Variants in WWOX observed in about 807,000 individuals in gnomAD.
The protein encoded by WWOX is WW domain-containing oxidoreductase.
WWOX carries 69 observed loss-of-function variants against 46.2 expected under a neutral mutation model. The ratio of observed to expected loss-of-function variants is 1.49; its 90% CI spans 1.23 to 1.82. The LOEUF is 1.82. WWOX is among the 40% of genes most tolerant of loss of function. The probability of loss-of-function intolerance (pLI) is 0.00; values close to 1 mark genes in which losing one functional copy is unlikely to be tolerated. For missense variants in WWOX, 919 were observed against 542.6 expected (o/e 1.69, Z -6.89); for synonymous variants, 359 against 202.6 (o/e 1.77, Z -6.56).
chr16:78,594,911 AATT>A (rs1488125094), intron 8 of WWOX, among the ~76,000 whole-genome samples: 1 of 152,206 alleles, frequency 6.6e-6, no homozygotes, highest in Non-Finnish European at 1.5e-5. Context: ...AAAGAATTAT[AATT>A]AAGAGAACCA....
At chr16:78,861,979 A>C (rs1158999806) in intron 8 of WWOX, among the ~76,000 whole-genome samples, 3 of 152,188 alleles carry the variant, frequency 2.0e-5, no homozygotes, top group Non-Finnish European at 4.4e-5. Context: ...GTCTCTGGAG[A>C]AATTGAACTA....
At chr16:78,991,976 A>T (rs1161447455) in intron 8 of WWOX, among the ~76,000 whole-genome samples, 4 of 152,134 alleles carry the variant, frequency 2.6e-5, no homozygotes, top group African/African-American at 9.7e-5. Context: ...CAGGGGCGAA[A>T]TGAAACTCAG....
chr16:78,584,271 A>G (rs535421183), intron 8 of WWOX, among the ~76,000 whole-genome samples: 1 of 152,220 alleles, frequency 6.6e-6, no homozygotes, highest in Non-Finnish European at 1.5e-5. Flanking sequence ...AGTGCTTTAC[A>G]TCAGTTATTC....
At chr16:78,437,860 A>G (rs2083366882) in intron 8 of WWOX, among the ~76,000 whole-genome samples, 1 of 152,248 alleles carries the variant, frequency 6.6e-6, no homozygotes, top group South Asian at 2.1e-4. Context: ...TCTTTTATGC[A>G]GTTAAATTAC....
At chr16:78,342,542 A>G (rs889852203) in intron 5 of WWOX, among the ~76,000 whole-genome samples, 1 of 120,386 alleles carries the variant, frequency 8.3e-6, no homozygotes, top group African/African-American at 2.8e-5. Context: ...ATTATGAGGG[A>G]GGCTGAGATG....
intron 8 of WWOX, among the ~76,000 whole-genome samples, chr16:78,959,415 C>G (rs1393965658): frequency 6.6e-6 from 1 of 152,196 alleles, no homozygotes; most frequent in African/African-American, 2.4e-5. Context: ...GGGACATAAA[C>G]ATTTGAAAAG....
intron 8 of WWOX, among the ~76,000 whole-genome samples, chr16:78,878,564 A>G (rs2044278800): frequency 6.6e-6 from 1 of 152,210 alleles, no homozygotes; most frequent in Admixed American, 6.5e-5. Context: ...CTATAATTAT[A>G]TTAACACCTA....
chr16:78,803,259 C>G (rs139105979), intron 8 of WWOX, among the ~76,000 whole-genome samples: 1,568 of 149,328 alleles, frequency 0.011, 14 homozygotes, highest in Non-Finnish European at 0.016. Context: ...TTTTTTTCCT[C>G]TCCAAACCAC....
intron 8 of WWOX, among the ~76,000 whole-genome samples, chr16:78,441,959 AGTGTGT>A (rs145693201): frequency 0.064 from 8,907 of 139,766 alleles, 384 homozygotes; most frequent in South Asian, 0.16. Context: ...TATGCGCATG[AGTGTGT>A]GTGTGTGTGT....
At chr16:78,753,600 G>C (rs761330768) in intron 8 of WWOX, among the ~76,000 whole-genome samples, 7 of 151,384 alleles carry the variant, frequency 4.6e-5, no homozygotes, top group Non-Finnish European at 7.4e-5. Context: ...AGGAGTTTGC[G>C]ACCAGCCTGG....
intron 8 of WWOX, among the ~76,000 whole-genome samples, chr16:78,482,299 G>C (rs1033070083): frequency 1.3e-5 from 2 of 152,036 alleles, no homozygotes; most frequent in East Asian, 3.9e-4. Context: ...GCAGTGGCGC[G>C]ATCTTGGCTC....
chr16:78,497,945 G>GT (rs1180208333), intron 8 of WWOX, among the ~76,000 whole-genome samples: 1 of 152,052 alleles, frequency 6.6e-6, no homozygotes, highest in Non-Finnish European at 1.5e-5. Flanking sequence ...GCTCACGCCT[G>GT]TAATGACAGC....
intron 8 of WWOX, among the ~76,000 whole-genome samples, chr16:79,132,383 C>G (rs986960346): frequency 5.3e-5 from 8 of 152,142 alleles, no homozygotes; most frequent in Non-Finnish European, 1.2e-4. Context: ...ATAGTTTTCT[C>G]TTTGTCTAAC....
intron 5 of WWOX, among the ~76,000 whole-genome samples, chr16:78,214,922 A>G (rs1050392355): frequency 2.6e-4 from 39 of 152,192 alleles, no homozygotes; most frequent in African/African-American, 9.2e-4. Context: ...TACTGATATG[A>G]CAGTATTTGA....
intron 6 of WWOX, among the ~76,000 whole-genome samples, chr16:78,390,206 C>G (rs1182700318): frequency 2.0e-5 from 3 of 152,236 alleles, no homozygotes; most frequent in African/African-American, 7.2e-5. Context: ...CGCTGAATAA[C>G]TTTGTCCAGT....
chr16:78,983,944 C>G (rs145659952), intron 8 of WWOX, among the ~76,000 whole-genome samples: 2,003 of 131,668 alleles, frequency 0.015, 23 homozygotes, highest in Middle Eastern at 0.074. Flanking sequence ...GTGGCGCAGT[C>G]TCAGCTGACT....
chr16:78,144,468 C>CATATATATATATATAT (rs1215805172), intron 4 of WWOX, among the ~76,000 whole-genome samples: 1 of 14,484 alleles, frequency 6.9e-5, no homozygotes, highest in African/African-American at 2.7e-4. Context: ...TATATACACA[C>CATATATATATATATAT]ATATATATAT....
chr16:78,492,681 G>C (rs906995488), intron 8 of WWOX, among the ~76,000 whole-genome samples: 3 of 152,170 alleles, frequency 2.0e-5, no homozygotes, highest in Admixed American at 6.5e-5. Flanking sequence ...TTCTGTTTTG[G>C]TGCTTATGTG....
intron 8 of WWOX, among the ~76,000 whole-genome samples, chr16:78,622,849 C>T (rs930689001): frequency 6.6e-6 from 1 of 152,134 alleles, no homozygotes; most frequent in Non-Finnish European, 1.5e-5. Context: ...CTGGGTGGGC[C>T]TGACTTAGTA....
Sources: gnomAD v4.1 joint callset for allele counts (sites outside exome capture counted in the v4.1 genomes callset) on GRCh38, gnomAD v4.1.1 for gene constraint, MANE v1.5 for transcripts, NCBI Gene and HGNC (gene_info 2026-07-23, HGNC 2026-07-21) for gene names.